The following CFH variants were observed in gnomAD, a reference collection of about 807,000 sequenced individuals.
The protein encoded by CFH is H factor 1 (complement).
Under a neutral mutation model 147.3 loss-of-function variants are expected in CFH, and 53 were observed. That is an observed-to-expected ratio of 0.36 (90% CI 0.29 to 0.45). CFH has a LOEUF of 0.45. CFH is among the 20% of genes least tolerant of loss of function. CFH has a pLI of 1.00. For synonymous variants in CFH, 536 were observed against 489.4 expected (o/e 1.10, Z -1.26); for missense variants, 1,380 against 1,498.0 (o/e 0.92, Z 1.30).
intron 6 of CFH, among the ~76,000 whole-genome samples, chr1:196,681,498 C>CA: frequency 7.2e-6 from 1 of 138,714 alleles, no homozygotes; most frequent in Non-Finnish European, 1.6e-5. Flanking sequence ...ACACACACAC[C>CA]CCTCAAAGAC....
intron 19 of CFH, 141 bp downstream of exon 19, chr1:196,742,192 T>C: frequency 1.4e-6 from 1 of 717,530 alleles, no homozygotes; most frequent in South Asian, 1.5e-5. Flanking sequence ...CTGGCCAACA[T>C]GGTGAAAACC....
intron 7 of CFH, 127 bp from the exon 8 acceptor site, chr1:196,689,293 G>C: frequency 1.1e-6 from 1 of 875,068 alleles, no homozygotes; most frequent in Non-Finnish European, 1.7e-6. Context: ...TTTTGACCTA[G>C]AAACCCTAAT....
intron 1 of CFH, among the ~76,000 whole-genome samples, chr1:196,663,265 A>C (rs1449797203): frequency 6.6e-6 from 1 of 151,996 alleles, no homozygotes; most frequent in Non-Finnish European, 1.5e-5. Flanking sequence ...TGTATTTTCC[A>C]CACATGTGTG....
Position 196,728,410 on chromosome 1 carries a change from C to G in CFH, c.2301C>G (p.Asn767Lys), listed in dbSNP as rs901295011. ...NLIILEEHLK[N>K]KKEFDHNSNI... ...TTATACTTGAGGAACATTTAAAAAA[C>G]AAGAAGGAATTCGATCATAATTCTA... The change falls in exon 15 of 22, where the codon AAC becomes AAG. Residue 767 changes from asparagine to lysine, a missense_variant. Coordinates refer to ENST00000367429, the MANE Select transcript of CFH (RefSeq NM_000186.4). The G allele has an allele frequency of 1.9e-6, 3 of 1,605,450 alleles. No individual in the cohort carries two copies. Among genetic ancestry groups the G allele is most frequent in the Non-Finnish European group, 2.6e-6 (3 of 1,174,116 alleles).
intron 9 of CFH, chr1:196,701,240 GTT>G (rs1227023161): frequency 1.2e-6 from 2 of 1,603,196 alleles, no homozygotes; most frequent in African/African-American, 2.7e-5. Flanking sequence ...GTCACATTCA[GTT>G]AGTCCTGAAG....
chr1:196,714,627 G>A (rs1370446854), intron 10 of CFH, among the ~76,000 whole-genome samples: 10 of 28,552 alleles, frequency 3.5e-4, no homozygotes, highest in South Asian at 1.2e-3. Flanking sequence ...GTGTGTATAC[G>A]TATATATGTA....
chr1:196,700,799 C>T (rs990952815), intron 9 of CFH: 1 of 985,206 alleles, frequency 1.0e-6, no homozygotes, highest in Non-Finnish European at 1.2e-6. Context: ...AACTAAGGGC[C>T]TTAGCTGGGG....
chr1:196,674,877 T>G (rs1667403120), intron 3 of CFH, among the ~76,000 whole-genome samples: 1 of 151,876 alleles, frequency 6.6e-6, no homozygotes, highest in Non-Finnish European at 1.5e-5. Context: ...GCAGGAAAAA[T>G]AAATAAGACA....
intron 9 of CFH, chr1:196,701,428 G>T (rs1668446745): frequency 6.4e-7 from 1 of 1,566,402 alleles, no homozygotes; most frequent in Non-Finnish European, 8.8e-7. Context: ...CAATACTTGG[G>T]TCCTGAGTAT....
intron 1 of CFH, among the ~76,000 whole-genome samples, chr1:196,663,310 C>G (rs1332125953): frequency 6.6e-6 from 1 of 152,106 alleles, no homozygotes; most frequent in Non-Finnish European, 1.5e-5. Flanking sequence ...TTCTTTTGAC[C>G]TGCCCTCCTG....
rs1667494435 is a variant in CFH, at chr1:196,677,468, T to G, written c.428-8T>G. The G allele has an allele frequency of 1.2e-6, 2 of 1,611,912 alleles. No individual in the cohort carries two copies. The highest frequency in any genetic ancestry group is 2.7e-5 in the African/African-American group (2 of 74,860). On this transcript the variant is annotated splice_polypyrimidine_tract_variant and splice_region_variant and intron_variant, in intron 4 of 21. Coordinates refer to ENST00000367429, the MANE Select transcript of CFH (RefSeq NM_000186.4). ...TCCATTAGAAAACATTACATGTATT[T>G]TCTTCAGTTGTGAAGTGTTTACCAG...
At position 196,740,611 on chromosome 1, in the gene CFH, T is replaced by A. The variant is rs1351891195; in HGVS notation, c.2783-8T>A. 2.5e-6 allele frequency: 4 copies of A among 1,613,328 alleles called. No individual in the cohort carries two copies. The highest frequency in any genetic ancestry group is 1.3e-5 in the African/African-American group (1 of 75,002). On this transcript the variant is annotated splice_region_variant and splice_polypyrimidine_tract_variant and intron_variant, in intron 17 of 21. Coordinates refer to ENST00000367429, the MANE Select transcript of CFH (RefSeq NM_000186.4). Reference sequence around the variant, plus strand: ...TAGTGAAACCTGAATTCATTCTTTTTTTTTTAGGCCTTCCTTGTAAATCTC... The same window carrying A: ...TAGTGAAACCTGAATTCATTCTTTTATTTTTAGGCCTTCCTTGTAAATCTC...
At chr1:196,746,907 T>C (rs1192872855) in intron 21 of CFH, among the ~76,000 whole-genome samples, 2 of 152,188 alleles carry the variant, frequency 1.3e-5, no homozygotes, top group Admixed American at 6.5e-5. Flanking sequence ...CTAATTCTCA[T>C]ACATTAAACA....
chr1:196,675,084 T>A (rs1318359264), intron 3 of CFH, among the ~76,000 whole-genome samples: 1 of 152,192 alleles, frequency 6.6e-6, no homozygotes, highest in African/African-American at 2.4e-5. Context: ...ATTTTTTAAT[T>A]TGCTACCTTC....
chr1:196,726,789 T>C lies in CFH; in HGVS notation c.2085T>C (p.Pro695=). The change falls in exon 14 of 22, where the codon CCT becomes CCC. Residue 695 remains proline, a synonymous_variant. Transcript: ENST00000367429. ...AGGAGAGTACCTGTGGAGATATACC[T>C]GAACTTGAACATGGCTGGGCCCAGC... The part of the protein sequence containing the change: ...IVEESTCGDI[P]ELEHGWAQLS... 6.2e-7 allele frequency: 1 copy of C among 1,613,892 alleles called. No individual in the cohort carries two copies. Among genetic ancestry groups the C allele is most frequent in the Non-Finnish European group, 8.5e-7 (1 of 1,179,840 alleles).
At chr1:196,665,100 G>A (rs891095904) in intron 1 of CFH, among the ~76,000 whole-genome samples, 55 of 151,410 alleles carry the variant, frequency 3.6e-4, no homozygotes, top group African/African-American at 1.2e-3. Context: ...TAATGGTCAC[G>A]TTAATGCCTG....
Position 196,747,160 on chromosome 1 carries a change from A to C in CFH, c.3543A>C (p.Leu1181Phe). Residue 1181 changes from leucine (L) to phenylalanine (F), a missense_variant, in exon 22 of 22, where the codon TTA becomes TTC. Leu to Phe is a conservative substitution (Grantham distance 22). Transcript: ENST00000367429. ...REIMENYNIALRWTAKQKLYS... is the reference protein window; with the variant it reads ...REIMENYNIAFRWTAKQKLYS... ...TTATGGAAAATTATAACATAGCATTAAGGTGGACAGCCAAACAGAAGCTTT... is the reference window on the plus strand; with the variant it reads ...TTATGGAAAATTATAACATAGCATTCAGGTGGACAGCCAAACAGAAGCTTT... 1 of 1,613,862 alleles carries C rather than the reference A, an allele frequency of 6.2e-7. No homozygotes were observed. The highest frequency in any genetic ancestry group is 8.5e-7 in the Non-Finnish European group (1 of 1,179,830).
At chr1:196,692,897 C>A (rs12040718) in intron 9 of CFH, among the ~76,000 whole-genome samples, 14 of 68,986 alleles carry the variant, frequency 2.0e-4, no homozygotes, top group African/African-American at 4.4e-4. Context: ...CTCCCTCCCT[C>A]CCTCCCTTCC....
Position 196,689,495 on chromosome 1 carries a change from T to C in CFH, c.1040T>C (p.Val347Ala). 1 of 1,613,512 alleles carries C rather than the reference T, an allele frequency of 6.2e-7. No individual in the cohort carries two copies. The highest frequency in any genetic ancestry group is 2.2e-5 in the East Asian group (1 of 44,810). The change falls in exon 8 of 22, where the codon GTA (valine) becomes GCA (alanine). Residue 347 changes from valine (V) to alanine (A), a missense_variant. Val to Ala is a moderately conservative substitution (Grantham distance 64). Around this residue, in one of 4 missense-constraint regions of CFH, gnomAD observed 167 missense variants for 228.0 expected, o/e 0.73. Coordinates refer to ENST00000367429, the MANE Select transcript of CFH (RefSeq NM_000186.4). ...AATATGCGTAGACCATACTTTCCAG[T>C]AGCTGTAGGAAAATATTACTCCTAT... Reference protein sequence around the residue: ...HENMRRPYFPVAVGKYYSYYC... With the variant: ...HENMRRPYFPAAVGKYYSYYC...
Sources: gnomAD v4.1 joint callset for allele counts (sites outside exome capture counted in the v4.1 genomes callset) on GRCh38, gnomAD v4.1.1 for gene constraint, gnomAD v4.1.1 regional missense constraint, MANE v1.5 for transcripts, NCBI Gene and HGNC (gene_info 2026-07-23, HGNC 2026-07-21) for gene names.